NUGGC: variants seen among roughly 807,000 people sequenced by gnomAD.
NUGGC encodes nuclear GTPase, germinal center associated.
NUGGC carries 58 observed loss-of-function variants against 92.6 expected under a neutral mutation model. That is an observed-to-expected ratio of 0.63 (90% CI 0.51 to 0.78). The LOEUF is 0.78. Among genes scored for constraint, NUGGC ranks in the 30% least tolerant of loss-of-function variants. NUGGC has a pLI of 0.00. For missense variants in NUGGC, 925 were observed against 964.6 expected, an observed-to-expected ratio of 0.96 and a Z score of 0.54; for synonymous variants, 376 against 366.4, an observed-to-expected ratio of 1.03 and a Z score of -0.30.
At chr8:28,055,501 T>A (rs1585581153) in intron 10 of NUGGC, among the ~76,000 whole-genome samples, 1 of 152,212 alleles carries the variant, frequency 6.6e-6, no homozygotes, top group East Asian at 1.9e-4. Context: ...GCTTTAAAGA[T>A]GAGAAAATGG....
intron 12 of NUGGC, among the ~76,000 whole-genome samples, chr8:28,041,726 G>A (rs1426122671): frequency 6.6e-6 from 1 of 152,198 alleles, no homozygotes; most frequent in Non-Finnish European, 1.5e-5. Context: ...CTCAAGTAAT[G>A]CTGGTCTTCC....
At chr8:28,027,258 G>A (rs1009269812) in intron 17 of NUGGC, among the ~76,000 whole-genome samples, 4 of 152,182 alleles carry the variant, frequency 2.6e-5, no homozygotes, top group Non-Finnish European at 5.9e-5. Flanking sequence ...ATTTCTGTGG[G>A]CTCCCATCTG....
rs34532311 is a variant in NUGGC, at chr8:28,023,069, CAAAAAAA to C, written c.*241_*247del. ...TGGGTGACACAGCGAGACTCTGTCT[CAAAAAAA>C]AAAAAAAAAAAATTACCCAGGTGTG... On this transcript the variant is annotated 3_prime_UTR_variant, in exon 19 of 19. Coordinates refer to ENST00000413272, the MANE Select transcript of NUGGC (RefSeq NM_001010906.2). 4.4e-6 allele frequency: 1 copy of C among 226,630 alleles called. No homozygotes were observed. The allele number at this position is 226,630 out of a possible 1,614,324, so 14.0% of individuals were successfully genotyped here.
At position 28,068,399 on chromosome 8, in the gene NUGGC, G is replaced by A. The variant is rs1312876963; in HGVS notation, c.297C>T (p.Asp99=). ...LLALIEKPTV[D]PIYIALFGST... is the part of the protein sequence containing the mutation. ...TTCCAAATAATGCAATGTAGATTGG[G>A]TCCACTGTCGGCTTTTCAATCAAGG... The change falls in exon 5 of 19, where the codon GAC becomes GAT. Residue 99 remains aspartate, a synonymous_variant. Transcript: ENST00000413272. 6.3e-7 allele frequency: 1 copy of A among 1,579,936 alleles called. No homozygotes were observed. Among genetic ancestry groups the A allele is most frequent in the Non-Finnish European group, 8.6e-7 (1 of 1,162,000 alleles).
In NUGGC at chr8:28,057,235, C is replaced by T. The variant is rs138922947; in HGVS notation, c.1116+1023G>A. 6.5e-4 allele frequency among the ~76,000 whole-genome samples: 98 copies of T among 151,832 alleles called. No individual in the cohort carries two copies. The Middle Eastern group carries it at 0.01, about 16-fold the overall frequency. On this transcript the variant is annotated intron_variant, in intron 9 of 18. Coordinates refer to ENST00000413272, the MANE Select transcript of NUGGC (RefSeq NM_001010906.2). ...GCTGTTGCCTGTCATTTCAGATGTA[C>T]GATTCATCTTGTAAACAGATGAAGT...
intron 13 of NUGGC, among the ~76,000 whole-genome samples, chr8:28,036,980 G>A (rs550628220): frequency 6.6e-6 from 1 of 152,292 alleles, no homozygotes; most frequent in African/African-American, 2.4e-5. Context: ...ACATGAGCTT[G>A]TGCTTGGCTC....
intron 18 of NUGGC, among the ~76,000 whole-genome samples, chr8:28,026,262 C>A (rs1209576493): frequency 6.6e-6 from 1 of 152,200 alleles, no homozygotes. Context: ...ACCCTCCCCC[C>A]ATATAAGGAT....
chr8:28,045,589 C>T lies in NUGGC; in HGVS notation c.1384G>A (p.Val462Met). The part of the protein sequence containing the change: ...DKKKRTVTKY[V>M]TEAFGLLLLT... ...AGCAACAGGCCAAAGGCTTCAGTCA[C>T]ATACTTGGTCACTGTCCTCTTCTTC... is the stretch of plus-strand genomic sequence containing the variant. Residue 462 changes from valine (V) to methionine (M), a missense_variant, in exon 12 of 19, where the codon GTG becomes ATG. Coordinates refer to ENST00000413272, the MANE Select transcript of NUGGC (RefSeq NM_001010906.2). The T allele has an allele frequency of 1.9e-6, 3 of 1,613,174 alleles. No homozygotes were observed. The South Asian group carries it at 3.3e-5, about 18-fold the overall frequency.
intron 12 of NUGGC, among the ~76,000 whole-genome samples, chr8:28,043,329 TTAAAAATAATGA>T (rs1297490572): frequency 2.0e-5 from 3 of 152,360 alleles, no homozygotes; most frequent in Non-Finnish European, 4.4e-5. Flanking sequence ...CTATGGATTC[TTAAAAATAATGA>T]TTGCTCATTT....
At chr8:28,037,542 C>T (rs905915870) in intron 13 of NUGGC, among the ~76,000 whole-genome samples, 2 of 152,224 alleles carry the variant, frequency 1.3e-5, no homozygotes, top group Non-Finnish European at 2.9e-5. Context: ...ATCCATCCCT[C>T]CTGCTTCACT....
At position 28,055,307 on chromosome 8, in the gene NUGGC, C is replaced by T. The variant is rs1229001979; in HGVS notation, c.1206+658G>A. On this transcript the variant is annotated intron_variant, in intron 10 of 18. Transcript: ENST00000413272. The stretch of plus-strand genomic sequence containing the variant: ...GCTCAGAGGCTGAGTTTTCCTTGAA[C>T]ACCTCCCCAGTCCCACCTCTCCTGC... Among the ~76,000 whole-genome samples, 3 of 151,994 alleles carry T rather than the reference C, an allele frequency of 2.0e-5. No homozygotes were observed. The East Asian group carries it at 5.8e-4, about 29-fold the overall frequency.
In NUGGC at chr8:28,027,010, G is replaced by A; in HGVS notation, c.2197C>T (p.Leu733=). 4 of 1,613,810 alleles carry A rather than the reference G, an allele frequency of 2.5e-6. No individual in the cohort carries two copies. The highest frequency in any genetic ancestry group is 3.4e-6 in the Non-Finnish European group (4 of 1,179,714). Residue 733 remains leucine (L), a synonymous_variant, in exon 18 of 19, where the codon CTG becomes TTG. Transcript: ENST00000413272. The part of the protein sequence containing the change: ...EKVKGSITTM[L]ALASSQGDGL... ...TCCCCCTGGGACGAAGCAAGGGCCA[G>A]CATAGTGGTGATGCTGCCCTTCACC...
intron 10 of NUGGC, among the ~76,000 whole-genome samples, chr8:28,054,785 G>A (rs73226753): frequency 0.02 from 3,032 of 151,604 alleles, 47 homozygotes; most frequent in Middle Eastern, 0.035. Context: ...GGTGCTTGCC[G>A]AGCTGTAGTC....
At chr8:28,035,871 G>A (rs17058478) in intron 13 of NUGGC, among the ~76,000 whole-genome samples, 8,195 of 152,174 alleles carry the variant, frequency 0.054, 698 homozygotes, top group African/African-American at 0.19. Context: ...TGTGATATTC[G>A]TCTTAACGAA....
At position 28,031,360 on chromosome 8, in the gene NUGGC, T is replaced by G. The variant is rs780286891; in HGVS notation, c.1791A>C (p.Ser597=). The G allele has an allele frequency of 1.2e-6, 2 of 1,613,906 alleles. No individual in the cohort carries two copies. The highest frequency in any genetic ancestry group is 1.7e-6 in the Non-Finnish European group (2 of 1,179,882). Residue 597 remains serine, a synonymous_variant, in exon 15 of 19, where the codon TCA becomes TCC. Transcript: ENST00000413272. ...AAGCATCTATGTGAGGCATCAGAGCTGAACCAGTGGGCTTCCCCGTCCTAC... is the reference window on the plus strand; with the variant it reads ...AAGCATCTATGTGAGGCATCAGAGCGGAACCAGTGGGCTTCCCCGTCCTAC... ...SIFRTGKPTG[S]ALMPHIDAFK...
chr8:28,044,117 A>T (rs1009480373), intron 12 of NUGGC, among the ~76,000 whole-genome samples: 1 of 152,160 alleles, frequency 6.6e-6, no homozygotes, highest in Non-Finnish European at 1.5e-5. Context: ...TCAGGTCTCG[A>T]GTGTCTGCCT....
chr8:28,081,478 C>T (rs911216272), intron 1 of NUGGC, among the ~76,000 whole-genome samples: 12 of 152,134 alleles, frequency 7.9e-5, no homozygotes, highest in East Asian at 3.8e-4. Context: ...ATCCAGGCCA[C>T]GTCTGTTAGT....
At chr8:28,050,255 A>G (rs2130163001) in intron 10 of NUGGC, among the ~76,000 whole-genome samples, 1 of 150,792 alleles carries the variant, frequency 6.6e-6, no homozygotes, top group South Asian at 2.1e-4. Flanking sequence ...CATGGTGGTG[A>G]GTGCCTGTAA....
intron 17 of NUGGC, among the ~76,000 whole-genome samples, chr8:28,029,000 C>T (rs936036867): frequency 6.6e-6 from 1 of 152,108 alleles, no homozygotes; most frequent in Non-Finnish European, 1.5e-5. Context: ...TAGTACCTAC[C>T]TCACAGACTT....
Sources: gnomAD v4.1 joint callset for allele counts (sites outside exome capture counted in the v4.1 genomes callset) on GRCh38, gnomAD v4.1.1 for gene constraint, MANE v1.5 for transcripts, NCBI Gene and HGNC (gene_info 2026-07-23, HGNC 2026-07-21) for gene names.